DHRSX: variants seen among roughly 807,000 people sequenced by gnomAD.
DHRSX encodes the protein polyprenol dehydrogenase.
In DHRSX, 31 loss-of-function variants were observed where a neutral mutation model predicts 34.0. The observed-to-expected ratio is 0.91, with a 90% confidence interval of 0.69 to 1.23. The LOEUF (loss-of-function observed/expected upper bound fraction) is 1.23, where lower values mean the gene tolerates loss of function less well. Among genes scored for constraint, DHRSX ranks in the 50% most tolerant of loss-of-function variants. DHRSX has a pLI of 0.00. For missense variants in DHRSX, 414 were observed against 428.1 expected (o/e 0.97, Z 0.29); for synonymous variants, 201 against 183.8 (o/e 1.09, Z -0.76).
intron 3 of DHRSX, among the ~76,000 whole-genome samples, chrX:2,371,463 TCGTTACCATAGACCCTCCTCCTCC>T (rs1394090819): frequency 6.9e-6 from 1 of 145,276 alleles, no homozygotes; most frequent in Admixed American, 6.8e-5. Flanking sequence ...TAGTCCCTCC[TCGTTACCATAGACCCTCCTCCTCC>T]CGTTACCGTA....
At chrX:2,284,385 T>A (rs1311030092) in intron 4 of DHRSX, among the ~76,000 whole-genome samples, 1 of 147,140 alleles carries the variant, frequency 6.8e-6, no homozygotes, top group African/African-American at 2.5e-5. Flanking sequence ...TTTGAATTCA[T>A]TCAAGTGAAT....
intron 3 of DHRSX, among the ~76,000 whole-genome samples, chrX:2,369,518 AC>A (rs1216635623): frequency 6.6e-6 from 1 of 151,694 alleles, no homozygotes; most frequent in Non-Finnish European, 1.5e-5. Context: ...CTTTTTGGAG[AC>A]AGAGTCTCGC....
intron 1 of DHRSX, among the ~76,000 whole-genome samples, chrX:2,470,150 A>G (rs2044566586): frequency 6.6e-6 from 1 of 150,966 alleles, no homozygotes; most frequent in Non-Finnish European, 1.5e-5. Context: ...AGGCACAGAG[A>G]GACAAATACT....
At chrX:2,371,026 C>T (rs180891585) in intron 3 of DHRSX, among the ~76,000 whole-genome samples, 1,667 of 152,154 alleles carry the variant, frequency 0.011, 40 homozygotes, top group African/African-American at 0.038. Flanking sequence ...TGTCACTGCT[C>T]GGGTGTGCTT....
intron 3 of DHRSX, among the ~76,000 whole-genome samples, chrX:2,336,678 C>A (rs2042569503): frequency 1.3e-5 from 2 of 151,550 alleles, no homozygotes; most frequent in African/African-American, 4.8e-5. Context: ...TGGCTCACTG[C>A]AACCTCTGCC....
At chrX:2,491,610 T>C (rs1220889901) in intron 1 of DHRSX, among the ~76,000 whole-genome samples, 4 of 152,134 alleles carry the variant, frequency 2.6e-5, no homozygotes, top group African/African-American at 9.7e-5. Flanking sequence ...TAAAGCCAGC[T>C]TTCCTATGGC....
At chrX:2,229,460 G>C (rs1428769897) in intron 6 of DHRSX, among the ~76,000 whole-genome samples, 9 of 152,030 alleles carry the variant, frequency 5.9e-5, no homozygotes, top group Admixed American at 3.3e-4. Context: ...CTCTGTACCT[G>C]CTGCTTGCTC....
At chrX:2,494,796 T>C (rs1161328888) in intron 1 of DHRSX, among the ~76,000 whole-genome samples, 1 of 151,980 alleles carries the variant, frequency 6.6e-6, no homozygotes, top group Non-Finnish European at 1.5e-5. Context: ...GAGGTCCCAG[T>C]ACCTAGAAGA....
intron 3 of DHRSX, among the ~76,000 whole-genome samples, chrX:2,345,617 C>T (rs73189666): frequency 0.025 from 3,630 of 147,312 alleles, 114 homozygotes; most frequent in African/African-American, 0.071. Flanking sequence ...GAGATCGCAT[C>T]GTACCCCAGC....
At position 2,374,821 on chromosome X, in the gene DHRSX, C is replaced by T. The variant is rs1182642315; in HGVS notation, c.286+33924G>A. ...AAGGCCAGGTTCAGTCCTGTAATCC[C>T]AGCACTTTGGGAGGCCGTGGTGGAA... On this transcript the variant is annotated intron_variant, in intron 3 of 6. Coordinates refer to ENST00000334651, the MANE Select transcript of DHRSX (RefSeq NM_145177.3). Among the ~76,000 whole-genome samples, 5 of 137,400 alleles carry T rather than the reference C, an allele frequency of 3.6e-5. 1 individual carries two copies. The highest frequency in any genetic ancestry group is 8.6e-5 in the Non-Finnish European group (5 of 58,182). 90.1% of individuals were successfully genotyped at this position (137,400 alleles called of 152,430 possible). A position where few individuals can be genotyped will look rare whatever the true frequency, so the allele number is the denominator to read the frequency against.
intron 3 of DHRSX, among the ~76,000 whole-genome samples, chrX:2,379,887 T>A (rs1036239503): frequency 6.6e-5 from 10 of 152,010 alleles, no homozygotes; most frequent in African/African-American, 2.4e-4. Flanking sequence ...ATGAGGGTAA[T>A]TAACTGGCCC....
chrX:2,455,012 T>C (rs1366334896), intron 1 of DHRSX, among the ~76,000 whole-genome samples: 3 of 150,816 alleles, frequency 2.0e-5, no homozygotes, highest in Non-Finnish European at 4.4e-5. Flanking sequence ...CTCAGAAGGC[T>C]AAGGCAGGAG....
intron 3 of DHRSX, among the ~76,000 whole-genome samples, chrX:2,354,593 C>G (rs763601482): frequency 6.6e-6 from 1 of 152,340 alleles, no homozygotes; most frequent in South Asian, 2.1e-4. Flanking sequence ...TCCCGAATAG[C>G]TGGGACCACA....
intron 3 of DHRSX, among the ~76,000 whole-genome samples, chrX:2,325,527 CCCGA>C: frequency 6.6e-6 from 1 of 152,236 alleles, no homozygotes; most frequent in African/African-American, 2.4e-5. Flanking sequence ...GACCGAGAGC[CCCGA>C]CCAACTACAA....
Position 2,276,741 on chromosome X carries a change from G to A in DHRSX, c.389-9794C>T, listed in dbSNP as rs745361149. Among the ~76,000 whole-genome samples the A allele has an allele frequency of 3.8e-3, 576 of 150,186 alleles. 3 individuals carry two copies. The highest frequency in any genetic ancestry group is 0.013 in the African/African-American group (542 of 41,282). On this transcript the variant is annotated intron_variant, in intron 4 of 6. Transcript: ENST00000334651. ...GGGGATGAAAGGGCAATCAGAGAGAGAGAGAGGAGAGAGAGAGGGAGGGCA... is the reference window on the plus strand; with the variant it reads ...GGGGATGAAAGGGCAATCAGAGAGAAAGAGAGGAGAGAGAGAGGGAGGGCA...
chrX:2,494,493 G>A (rs2045233726), intron 1 of DHRSX, among the ~76,000 whole-genome samples: 1 of 151,886 alleles, frequency 6.6e-6, no homozygotes, highest in African/African-American at 2.4e-5. Context: ...GCCAGGACCT[G>A]TAGTAAAGGT....
intron 4 of DHRSX, among the ~76,000 whole-genome samples, chrX:2,275,071 A>C (rs773695879): frequency 6.6e-6 from 1 of 152,312 alleles, no homozygotes; most frequent in East Asian, 1.9e-4. Context: ...AATCGACGGC[A>C]AATTCAAATG....
In DHRSX at chrX:2,460,582, C is replaced by CTTTTTTTTTT. The variant is rs71281906; in HGVS notation, c.110-35288_110-35279dup. Among the ~76,000 whole-genome samples the CTTTTTTTTTT allele has an allele frequency of 1.1e-4, 12 of 111,880 alleles. 1 individual carries two copies. Among genetic ancestry groups the CTTTTTTTTTT allele is most frequent in the South Asian group, 3.0e-4 (1 of 3,294 alleles). 73.4% of individuals were successfully genotyped at this position (111,880 alleles called of 152,430 possible). A position where few individuals can be genotyped will look rare whatever the true frequency, so the allele number is the denominator to read the frequency against. ...CACACACGTGTGCCACCACGTCTGGCTTTTTTTTTTTTTTTTAGAGACAGC... is the reference window on the plus strand; with the variant it reads ...CACACACGTGTGCCACCACGTCTGGCTTTTTTTTTTTTTTTTTTTTTTTTTTAGAGACAGC... On this transcript the variant is annotated intron_variant, in intron 1 of 6. Coordinates refer to ENST00000334651, the MANE Select transcript of DHRSX (RefSeq NM_145177.3).
At chrX:2,403,424 A>G (rs1483353609) in intron 3 of DHRSX, among the ~76,000 whole-genome samples, 1 of 152,190 alleles carries the variant, frequency 6.6e-6, no homozygotes, top group East Asian at 1.9e-4. Flanking sequence ...ATCGGTATTT[A>G]TATGCCACAA....
Sources: gnomAD v4.1 joint callset for allele counts (sites outside exome capture counted in the v4.1 genomes callset) on GRCh38, gnomAD v4.1.1 for gene constraint, MANE v1.5 for transcripts, NCBI Gene and HGNC (gene_info 2026-07-23, HGNC 2026-07-21) for gene names.